Variants in LPP observed in about 807,000 individuals in gnomAD.
LPP encodes the protein LIM domain containing preferred translocation partner in lipoma, also known as lipoma-preferred partner.
A neutral mutation model predicts 60.4 loss-of-function variants in LPP; 38 were observed. That is an observed-to-expected ratio of 0.63 (90% CI 0.49 to 0.83). The LOEUF (loss-of-function observed/expected upper bound fraction) is 0.83. Ranked by LOEUF, LPP falls within the 40% of genes least tolerant of loss-of-function variation. The pLI is 0.00. For synonymous variants in LPP, 328 were observed against 290.8 expected, an observed-to-expected ratio of 1.13 and a Z score of -1.30; for missense variants, 902 against 783.6, an observed-to-expected ratio of 1.15 and a Z score of -1.80.
chr3:188,240,618 T>A (rs1724110048), intron 2 of LPP, among the ~76,000 whole-genome samples: 1 of 152,116 alleles, frequency 6.6e-6, no homozygotes, highest in African/African-American at 2.4e-5. Flanking sequence ...AGCAACATAT[T>A]TGGGTAGAAA....
At chr3:188,640,903 A>C (rs757449959) in intron 7 of LPP, among the ~76,000 whole-genome samples, 3 of 152,202 alleles carry the variant, frequency 2.0e-5, no homozygotes, top group Non-Finnish European at 4.4e-5. Context: ...TTATTCTCCA[A>C]AAAATAAGGC....
At position 188,878,759 on chromosome 3, in the gene LPP, T is replaced by TA. The variant is rs11448997; in HGVS notation, c.*4296dup. 74,145 of 155,612 alleles carry TA rather than the reference T, an allele frequency of 0.48. 15,596 individuals are homozygous for TA. The highest frequency in any genetic ancestry group is 0.49 in the South Asian group (2,093 of 4,232). The allele number at this position is 155,612 out of a possible 1,614,324, so 9.6% of individuals were successfully genotyped here. ...ATATACTCACCAAAAAGTAAAAAAGTAAAAAAAAAAAAAAAAGAAAGAAAG... is the reference window on the plus strand; with the variant it reads ...ATATACTCACCAAAAAGTAAAAAAGTAAAAAAAAAAAAAAAAAGAAAGAAAG... On this transcript the variant is annotated 3_prime_UTR_variant, in exon 12 of 12. Coordinates refer to ENST00000617246, the MANE Select transcript of LPP (RefSeq NM_001375462.1).
chr3:188,252,076 A>ACG (rs1491230291), intron 2 of LPP, among the ~76,000 whole-genome samples: 3 of 73,990 alleles, frequency 4.1e-5, no homozygotes, highest in African/African-American at 1.6e-4. Context: ...ATATATATAT[A>ACG]CACACACACA....
At chr3:188,573,337 CTTCTG>C (rs1015659146) in intron 6 of LPP, among the ~76,000 whole-genome samples, 2 of 152,082 alleles carry the variant, frequency 1.3e-5, no homozygotes, top group Non-Finnish European at 2.9e-5. Context: ...AGTTGAGAAT[CTTCTG>C]TTCTGAAAAA....
chr3:188,635,797 G>C (rs1848620403), intron 7 of LPP, among the ~76,000 whole-genome samples: 1 of 152,142 alleles, frequency 6.6e-6, no homozygotes, highest in Non-Finnish European at 1.5e-5. Flanking sequence ...CTCAGTAAAT[G>C]TTTATTGAAG....
intron 6 of LPP, among the ~76,000 whole-genome samples, chr3:188,577,752 CGTT>C (rs749362698): frequency 0.41 from 46,476 of 114,474 alleles, 9,521 homozygotes; most frequent in East Asian, 0.51. Flanking sequence ...TTTGTTCCTT[CGTT>C]CCTTCGTTCC....
intron 4 of LPP, among the ~76,000 whole-genome samples, chr3:188,442,797 C>T (rs761240873): frequency 3.9e-5 from 6 of 152,130 alleles, no homozygotes; most frequent in African/African-American, 9.7e-5. Flanking sequence ...AGTCACTCCT[C>T]GGGCCCAGTG....
chr3:188,393,152 TA>T (rs1172053886), intron 3 of LPP, among the ~76,000 whole-genome samples: 1 of 151,848 alleles, frequency 6.6e-6, no homozygotes, highest in East Asian at 1.9e-4. Flanking sequence ...GTTAAAGATA[TA>T]ATTGAAGTAA....
intron 2 of LPP, among the ~76,000 whole-genome samples, chr3:188,238,863 C>G (rs533002556): frequency 6.6e-6 from 1 of 152,158 alleles, no homozygotes; most frequent in East Asian, 1.9e-4. Flanking sequence ...TTGCTTGATA[C>G]ACAGCTGCCT....
intron 4 of LPP, among the ~76,000 whole-genome samples, chr3:188,465,770 T>C (rs1800226288): frequency 6.6e-6 from 1 of 152,198 alleles, no homozygotes; most frequent in Non-Finnish European, 1.5e-5. Context: ...GTTTTTCTCT[T>C]CTGAGTAGCT....
intron 7 of LPP, among the ~76,000 whole-genome samples, chr3:188,652,843 C>T (rs1580711562): frequency 6.6e-6 from 1 of 152,196 alleles, no homozygotes. Flanking sequence ...AGGTCTCCAT[C>T]CCTTATGCTC....
chr3:188,371,100 T>A (rs1322187191), intron 3 of LPP, among the ~76,000 whole-genome samples: 1 of 152,130 alleles, frequency 6.6e-6, no homozygotes, highest in African/African-American at 2.4e-5. Context: ...CGACTTTGCC[T>A]TCCTTCTCTG....
intron 9 of LPP, among the ~76,000 whole-genome samples, chr3:188,764,925 C>T (rs916976492): frequency 6.6e-6 from 1 of 152,130 alleles, no homozygotes; most frequent in African/African-American, 2.4e-5. Context: ...AGGCCAACTC[C>T]ACAGGAGGCT....
At chr3:188,742,907 G>A (rs1042389629) in intron 8 of LPP, among the ~76,000 whole-genome samples, 4 of 152,302 alleles carry the variant, frequency 2.6e-5, no homozygotes, top group African/African-American at 4.8e-5. Context: ...ATATTTGAGC[G>A]AGGGCTGTCA....
At chr3:188,776,100 CCT>C (rs1434832036) in intron 9 of LPP, among the ~76,000 whole-genome samples, 1 of 152,136 alleles carries the variant, frequency 6.6e-6, no homozygotes, top group African/African-American at 2.4e-5. Context: ...CTCGTGGAGC[CCT>C]GAGGTGAATG....
intron 8 of LPP, among the ~76,000 whole-genome samples, chr3:188,726,322 T>C (rs1289616530): frequency 6.6e-6 from 1 of 152,090 alleles, no homozygotes; most frequent in Non-Finnish European, 1.5e-5. Flanking sequence ...TGGGCCTCTA[T>C]CTTGGGTGGG....
intron 4 of LPP, among the ~76,000 whole-genome samples, chr3:188,456,403 C>A (rs1251249410): frequency 6.6e-6 from 1 of 152,138 alleles, no homozygotes; most frequent in Admixed American, 6.5e-5. Context: ...GTAGATATGA[C>A]TGTAACATAG....
Position 188,773,491 on chromosome 3 carries a change from C to T in LPP, c.1410+13209C>T, listed in dbSNP as rs144531953. 4.2e-3 allele frequency among the ~76,000 whole-genome samples: 633 copies of T among 152,160 alleles called. 4 individuals carry two copies. Among genetic ancestry groups the T allele is most frequent in the Non-Finnish European group, 6.0e-3 (405 of 68,004 alleles). ...GCTGCACTGAGGACTATTTAAGCAA[C>T]CTTAAAATCACAAACACACATCTGT... On this transcript the variant is annotated intron_variant, in intron 9 of 11. Coordinates refer to ENST00000617246, the MANE Select transcript of LPP (RefSeq NM_001375462.1).
intron 8 of LPP, among the ~76,000 whole-genome samples, chr3:188,756,099 G>A (rs1577364431): frequency 6.6e-6 from 1 of 152,288 alleles, no homozygotes. Context: ...GAAAGGAAGG[G>A]TGATTAGGTA....
Sources: gnomAD v4.1 joint callset for allele counts (sites outside exome capture counted in the v4.1 genomes callset) on GRCh38, gnomAD v4.1.1 for gene constraint, MANE v1.5 for transcripts, NCBI Gene and HGNC (gene_info 2026-07-23, HGNC 2026-07-21) for gene names.